The following STAU2 variants were observed in gnomAD, a reference collection of about 807,000 sequenced individuals.
STAU2 encodes staufen double-stranded RNA binding protein 2.
STAU2 carries 20 observed loss-of-function variants against 65.9 expected under a neutral mutation model. The ratio of observed to expected loss-of-function variants is 0.30; its 90% confidence interval spans 0.21 to 0.44. STAU2 has a LOEUF of 0.44. STAU2 is among the 20% of genes least tolerant of loss of function. STAU2 has a pLI of 1.00. For missense variants in STAU2, 558 were observed against 683.9 expected (o/e 0.82, Z 2.05); for synonymous variants, 232 against 233.9 (o/e 0.99, Z 0.07).
chr8:73,673,181 G>A lies in STAU2; in HGVS notation c.336C>T (p.Ile112=), dbSNP rs765053194. ...ATGGCTTTGGATCTAATGGCCTGTAGATGGCAGGCTCTCCCCTTTTCATAG... is the reference window on the plus strand; with the variant it reads ...ATGGCTTTGGATCTAATGGCCTGTAAATGGCAGGCTCTCCCCTTTTCATAG... ...GLAMKRGEPA[I]YRPLDPKPFP... Residue 112 remains isoleucine, a synonymous_variant, in exon 6 of 15, where the codon ATC becomes ATT. Transcript: ENST00000524300. The A allele has an allele frequency of 6.2e-7, 1 of 1,607,652 alleles. No homozygotes were observed. The highest frequency in any genetic ancestry group is 8.5e-7 in the Non-Finnish European group (1 of 1,176,230).
chr8:73,559,585 G>A (rs751926090), intron 12 of STAU2, among the ~76,000 whole-genome samples: 3 of 152,188 alleles, frequency 2.0e-5, no homozygotes, highest in Non-Finnish European at 2.9e-5. Context: ...CTGAGGCCAC[G>A]TATTAGTTAA....
intron 13 of STAU2, among the ~76,000 whole-genome samples, chr8:73,442,927 T>C (rs1360094532): frequency 6.6e-6 from 1 of 152,242 alleles, no homozygotes; most frequent in African/African-American, 2.4e-5. Context: ...TCATTCTTGA[T>C]GGTTCATCGA....
intron 6 of STAU2, among the ~76,000 whole-genome samples, chr8:73,629,560 T>C (rs1172375607): frequency 6.6e-6 from 1 of 152,218 alleles, no homozygotes; most frequent in African/African-American, 2.4e-5. Context: ...AGAAATATAA[T>C]TTATTAGCTG....
At chr8:73,580,190 T>C (rs1038321199) in intron 12 of STAU2, among the ~76,000 whole-genome samples, 4 of 152,132 alleles carry the variant, frequency 2.6e-5, no homozygotes, top group African/African-American at 7.2e-5. Flanking sequence ...TAACAAAACA[T>C]AACAAACAAA....
At chr8:73,477,804 GCC>G (rs1820395217) in intron 13 of STAU2, among the ~76,000 whole-genome samples, 1 of 152,142 alleles carries the variant, frequency 6.6e-6, no homozygotes, top group African/African-American at 2.4e-5. Flanking sequence ...GGGTCTTGCT[GCC>G]CTTCTTTGTG....
chr8:73,491,276 G>A (rs971706193), intron 13 of STAU2, among the ~76,000 whole-genome samples: 5 of 151,982 alleles, frequency 3.3e-5, no homozygotes, highest in Admixed American at 1.3e-4. Context: ...CTGAATTAAC[G>A]TTTTGGAAAT....
At chr8:73,449,103 C>G (rs1005242432) in intron 13 of STAU2, among the ~76,000 whole-genome samples, 1 of 152,332 alleles carries the variant, frequency 6.6e-6, no homozygotes, top group Admixed American at 6.5e-5. Flanking sequence ...CAGCGGCCTT[C>G]GAGCAGGGAC....
chr8:73,464,597 C>CGTGCATGTGTGCAT (rs1563607747), intron 13 of STAU2, among the ~76,000 whole-genome samples: 1 of 132,646 alleles, frequency 7.5e-6, no homozygotes, highest in Admixed American at 7.6e-5. Context: ...CATGTGTGCA[C>CGTGCATGTGTGCAT]GCGCACACAC....
intron 13 of STAU2, among the ~76,000 whole-genome samples, chr8:73,499,536 T>C (rs934368859): frequency 4.6e-5 from 7 of 151,824 alleles, no homozygotes; most frequent in Admixed American, 1.3e-4. Context: ...AGTCTGAGCA[T>C]AGGCCTTTGT....
At position 73,481,516 on chromosome 8, in the gene STAU2, CA is replaced by C. The variant is rs33917654; in HGVS notation, c.1531-58815del. Among the ~76,000 whole-genome samples the C allele has an allele frequency of 4.4e-4, 61 of 137,620 alleles. 1 individual carries two copies. The highest frequency in any genetic ancestry group is 5.6e-4 in the African/African-American group (20 of 35,408). 90.3% of individuals were successfully genotyped at this position (137,620 alleles called of 152,430 possible). ...AAAATAAGCCAAAAAAACAAAAAAA[CA>C]AAAAAAAAAAACACTTTTTTTGAGT... On this transcript the variant is annotated intron_variant, in intron 13 of 14. Transcript: ENST00000524300.
chr8:73,653,269 T>C (rs1816044718), intron 6 of STAU2: 1 of 152,216 alleles, frequency 6.6e-6, no homozygotes, highest in Non-Finnish European at 1.5e-5. Context: ...TTATTGTTTA[T>C]AAGGTTGATA....
At chr8:73,715,825 A>G (rs7009347) in intron 3 of STAU2, among the ~76,000 whole-genome samples, 30,882 of 152,174 alleles carry the variant, frequency 0.2, 3,505 homozygotes, top group East Asian at 0.37. Flanking sequence ...TGAAAAGAGA[A>G]AGAGGTACAG....
At chr8:73,537,403 A>AT (rs202121382) in intron 13 of STAU2, among the ~76,000 whole-genome samples, 2,463 of 152,340 alleles carry the variant, frequency 0.016, 26 homozygotes, top group Non-Finnish European at 0.025. Flanking sequence ...CCCCAACAGG[A>AT]TAAAAACAAA....
intron 4 of STAU2, among the ~76,000 whole-genome samples, chr8:73,707,691 A>G (rs771715522): frequency 6.6e-6 from 1 of 152,194 alleles, no homozygotes; most frequent in Non-Finnish European, 1.5e-5. Context: ...AGCAAAGAGT[A>G]TATACTACAG....
rs1179878383 is a variant in STAU2, at chr8:73,654,682, C to CT, written c.410+18424_410+18425insA. On this transcript the variant is annotated intron_variant, in intron 6 of 14. Coordinates refer to ENST00000524300, the MANE Select transcript of STAU2 (RefSeq NM_001164380.2). ...AAAAAGAACTCTTTTAATTATCAAA[C>CT]CTTTTTTTTTTTTTTTTTTTTTGAG... Among the ~76,000 whole-genome samples the CT allele has an allele frequency of 1.4e-3, 100 of 72,418 alleles. 3 individuals are homozygous for CT. The highest frequency in any genetic ancestry group is 2.6e-3 in the Non-Finnish European group (86 of 32,978). The allele number at this position is 72,418 out of a possible 152,430, so 47.5% of individuals were successfully genotyped here.
chr8:73,507,479 C>A (rs1171211632), intron 13 of STAU2, among the ~76,000 whole-genome samples: 1 of 152,164 alleles, frequency 6.6e-6, no homozygotes, highest in Non-Finnish European at 1.5e-5. Context: ...AAATACCCAG[C>A]AAACCATGCT....
chr8:73,421,292 C>A lies in STAU2; in HGVS notation c.*80G>T. On this transcript the variant is annotated 3_prime_UTR_variant, in exon 15 of 15. Coordinates refer to ENST00000524300, the MANE Select transcript of STAU2 (RefSeq NM_001164380.2). ...GACTCAAATAATGGTATTAGTCATT[C>A]ATTTCCCTGAACACAGACACCCTCA... 2.5e-6 allele frequency: 3 copies of A among 1,213,440 alleles called. No individual in the cohort carries two copies. Among genetic ancestry groups the A allele is most frequent in the African/African-American group, 3.0e-5 (2 of 66,750 alleles). The allele number at this position is 1,213,440 out of a possible 1,614,324, so 75.2% of individuals were successfully genotyped here.
intron 3 of STAU2, among the ~76,000 whole-genome samples, chr8:73,719,925 G>A (rs191990864): frequency 2.0e-4 from 31 of 151,970 alleles, no homozygotes; most frequent in South Asian, 4.2e-4. Flanking sequence ...GAAACTATCC[G>A]GACCTAGAGT....
intron 13 of STAU2, chr8:73,551,776 G>A: frequency 8.5e-7 from 1 of 1,180,854 alleles, no homozygotes; most frequent in Non-Finnish European, 1.0e-6. Flanking sequence ...TAAAAAAGAA[G>A]AAGGAAAATG....
Sources: gnomAD v4.1 joint callset for allele counts (sites outside exome capture counted in the v4.1 genomes callset) on GRCh38, gnomAD v4.1.1 for gene constraint, MANE v1.5 for transcripts, NCBI Gene and HGNC (gene_info 2026-07-23, HGNC 2026-07-21) for gene names.